The following SEC14L6 variants were observed in gnomAD, a reference collection of about 807,000 sequenced individuals.
The protein encoded by SEC14L6 is SEC14 like lipid binding 6, also known as SEC14-like protein 6.
SEC14L6 carries 40 observed loss-of-function variants against 54.1 expected under a neutral mutation model. The observed-to-expected ratio is 0.74, with a 90% CI of 0.57 to 0.96. SEC14L6 has a LOEUF of 0.96. SEC14L6 is among the 40% of genes least tolerant of loss of function. The pLI is 0.00. For missense variants in SEC14L6, 471 were observed against 498.3 expected, an observed-to-expected ratio of 0.95 and a Z score of 0.52; for synonymous variants, 171 against 198.4, an observed-to-expected ratio of 0.86 and a Z score of 1.16.
intron 5 of SEC14L6, chr22:30,532,260 C>T (rs1437325845): frequency 1.0e-6 from 1 of 985,484 alleles, no homozygotes; most frequent in African/African-American, 1.7e-5. Flanking sequence ...ATCCCTGTCC[C>T]TCTCGTCCAA....
At chr22:30,542,905 A>C in intron 1 of SEC14L6, 1 of 1,601,290 alleles carries the variant, frequency 6.2e-7, no homozygotes, top group Non-Finnish European at 8.5e-7. Flanking sequence ...CAGTAACATC[A>C]CCCCAGCAGA....
chr22:30,535,984 C>T (rs1358731095), intron 2 of SEC14L6, among the ~76,000 whole-genome samples: 1 of 151,030 alleles, frequency 6.6e-6, no homozygotes, highest in Non-Finnish European at 1.5e-5. Flanking sequence ...CCACAGCCTC[C>T]TGAGTGGCTG....
In SEC14L6 at chr22:30,524,801, C is replaced by T. The variant is rs571669722; in HGVS notation, c.*196G>A. ...GGGATGGAGTGTCTGTGTTGCTTTGCTGTGACCATCGGGCCACCACTAGGA... is the reference window on the plus strand; with the variant it reads ...GGGATGGAGTGTCTGTGTTGCTTTGTTGTGACCATCGGGCCACCACTAGGA... On this transcript the variant is annotated 3_prime_UTR_variant, in exon 12 of 12. Transcript: ENST00000402034. 3.1e-5 allele frequency: 17 copies of T among 549,284 alleles called. No individual in the cohort carries two copies. The East Asian group carries it at 4.7e-4, about 15-fold the overall frequency. 34.0% of individuals were successfully genotyped at this position (549,284 alleles called of 1,614,324 possible).
chr22:30,525,500 C>G lies in SEC14L6; in HGVS notation c.931G>C (p.Gly311Arg). The part of the protein sequence containing the change: ...CVLRWQFASD[G>R]GDIGFGVFLK... ...AAAACCCCAAAGCCAATGTCCCCAC[C>G]ATCTGAAGCAAACTGCCACCTGCAG... The change falls in exon 11 of 12, where the codon GGT (glycine) becomes CGT (arginine). Residue 311 changes from glycine to arginine, a missense_variant. By Grantham distance (125) the Gly-to-Arg change is moderately radical. Transcript: ENST00000402034. The G allele has an allele frequency of 1.2e-6, 2 of 1,614,150 alleles. No individual in the cohort carries two copies. The highest frequency in any genetic ancestry group is 1.7e-6 in the Non-Finnish European group (2 of 1,179,994).
chr22:30,535,733 C>T (rs1937120248), intron 2 of SEC14L6, among the ~76,000 whole-genome samples: 1 of 152,126 alleles, frequency 6.6e-6, no homozygotes, highest in Non-Finnish European at 1.5e-5. Flanking sequence ...GTTTTTGAGA[C>T]AAGGTTTTGC....
At chr22:30,529,951 T>G (rs886371323) in intron 6 of SEC14L6, among the ~76,000 whole-genome samples, 1 of 152,210 alleles carries the variant, frequency 6.6e-6, no homozygotes, top group African/African-American at 2.4e-5. Context: ...AAATTTTAAA[T>G]AAGATAAACC....
chr22:30,542,836 C>G, intron 1 of SEC14L6: 3 of 1,596,248 alleles, frequency 1.9e-6, no homozygotes, highest in Middle Eastern at 3.6e-4. Context: ...CCACTTCCCC[C>G]GGGTAACAAC....
rs549859955 is a variant in SEC14L6 at position 30,525,708 on chromosome 22, T to C, written c.814A>G (p.Lys272Glu). The C allele has an allele frequency of 1.6e-4, 265 of 1,613,846 alleles. 1 individual carries two copies. The highest frequency in any genetic ancestry group is 6.4e-4 in the South Asian group (58 of 91,030). Residue 272 changes from lysine to glutamate, a missense_variant, in exon 10 of 12, where the codon AAG (lysine) becomes GAG (glutamate). Coordinates refer to ENST00000402034, the MANE Select transcript of SEC14L6 (RefSeq NM_001193336.4). ...TGCTCATACTGCAGCCTCACCTGCT[T>C]GCACAGGTAGTAGCTCTTGGGCACC... The part of the protein sequence containing the change: ...GEVPKSYYLC[K>E]QVRLQYEHTR...
chr22:30,542,570 C>A, intron 1 of SEC14L6: 3 of 1,427,600 alleles, frequency 2.1e-6, no homozygotes, highest in Non-Finnish European at 2.7e-6. Flanking sequence ...GTAGCCGCGG[C>A]CCATGGAGCC....
chr22:30,525,789 T>A (rs1217210806), intron 9 of SEC14L6, 37 bp downstream of exon 9: 1 of 1,613,600 alleles, frequency 6.2e-7, no homozygotes, highest in Non-Finnish European at 8.5e-7. Flanking sequence ...AGGTCACAGC[T>A]TCTCCCCTCC....
At chr22:30,527,930 T>C (rs1936830442) in intron 8 of SEC14L6, among the ~76,000 whole-genome samples, 1 of 151,950 alleles carries the variant, frequency 6.6e-6, no homozygotes, top group East Asian at 1.9e-4. Flanking sequence ...GATTATCATA[T>C]GATAAGTAGT....
intron 1 of SEC14L6, chr22:30,543,821 GA>G: frequency 6.6e-7 from 1 of 1,508,824 alleles, no homozygotes; most frequent in Non-Finnish European, 9.2e-7. Context: ...AAGAATGCCA[GA>G]AAAATAACCC....
intron 1 of SEC14L6, chr22:30,544,441 G>T: frequency 6.0e-6 from 1 of 167,806 alleles, no homozygotes. Flanking sequence ...TGATCTTCCA[G>T]GGTGGGGAGG....
In SEC14L6 at chr22:30,532,123, G is replaced by A. The variant is rs1042670034; in HGVS notation, c.424-125C>T. On this transcript the variant is annotated intron_variant, in intron 5 of 11. Transcript: ENST00000402034. ...CTCAGCTCTGCATGGCACAGAGATG[G>A]GGGAGGGAAGGGGCCATCCCACAGG... 3 of 1,445,788 alleles carry A rather than the reference G, an allele frequency of 2.1e-6. No individual in the cohort carries two copies. The African/African-American group carries it at 4.3e-5, about 21-fold the overall frequency. The allele number at this position is 1,445,788 out of a possible 1,614,324, so 89.6% of individuals were successfully genotyped here. A position where few individuals can be genotyped will look rare whatever the true frequency, so the allele number is the denominator to read the frequency against.
Position 30,525,850 on chromosome 22 carries a change from A to G in SEC14L6, c.747T>C (p.Asp249=), listed in dbSNP as rs369339906. The change falls in exon 9 of 12, where the codon GAT becomes GAC. Residue 249 remains aspartate (D), a synonymous_variant. Coordinates refer to ENST00000402034, the MANE Select transcript of SEC14L6 (RefSeq NM_001193336.4). ...CCTTGGTCAGGCACTTGGGGTTGCC[A>G]TCGGGGTCAGTCATGGTCCCCCCAA... ...VEFGGTMTDP[D]GNPKCLTKIN... 7.4e-6 allele frequency: 12 copies of G among 1,613,684 alleles called. No individual in the cohort carries two copies. In the African/African-American group the frequency reaches 1.1e-4, roughly 14 times the overall value.
intron 6 of SEC14L6, among the ~76,000 whole-genome samples, chr22:30,529,650 C>T (rs1030081659): frequency 9.2e-5 from 14 of 152,070 alleles, no homozygotes; most frequent in African/African-American, 3.4e-4. Context: ...TGCTATATTG[C>T]CCAGGCTGGT....
intron 1 of SEC14L6, chr22:30,544,105 G>A: frequency 2.1e-6 from 3 of 1,410,706 alleles, no homozygotes; most frequent in South Asian, 1.2e-5. Flanking sequence ...GTTTGCTCTA[G>A]CACCCATCTC....
chr22:30,541,784 G>T (rs2085718948), intron 1 of SEC14L6, among the ~76,000 whole-genome samples: 1 of 152,214 alleles, frequency 6.6e-6, no homozygotes, highest in South Asian at 2.1e-4. Flanking sequence ...AGTCAGCCAT[G>T]TTCTCACCAC....
rs963027312 is a variant in SEC14L6 at position 30,523,686 on chromosome 22, T to C, written c.*1311A>G. 6.6e-6 allele frequency: 1 copy of C among 152,116 alleles called. No homozygotes were observed. The highest frequency in any genetic ancestry group is 1.5e-5 in the Non-Finnish European group (1 of 68,032). 9.4% of individuals were successfully genotyped at this position (152,116 alleles called of 1,614,324 possible). A position where few individuals can be genotyped will look rare whatever the true frequency, so the allele number is the denominator to read the frequency against. The stretch of plus-strand genomic sequence containing the variant: ...TTGAAATCTTAATCAGGAGATTGGA[T>C]GAAGATCCAGAGCTCAAGCAGATTC... On this transcript the variant is annotated 3_prime_UTR_variant, in exon 12 of 12. Transcript: ENST00000402034.
Sources: allele counts gnomAD v4.1 joint callset (sites outside exome capture counted in the v4.1 genomes callset), GRCh38; gene constraint gnomAD v4.1.1; transcripts MANE v1.5; gene names NCBI Gene and HGNC (gene_info 2026-07-23, HGNC 2026-07-21).